TENM3: variants seen among roughly 807,000 people sequenced by gnomAD.
TENM3 encodes the protein teneurin transmembrane protein 3.
Under a neutral mutation model 255.1 loss-of-function variants are expected in TENM3, and 63 were observed. The ratio of observed to expected loss-of-function variants is 0.25; its 90% CI spans 0.20 to 0.30. The LOEUF (loss-of-function observed/expected upper bound fraction) is 0.30. Among genes scored for constraint, TENM3 ranks in the 10% least tolerant of loss-of-function variants. The pLI, the probability that TENM3 is intolerant of heterozygous loss-of-function variation, is 1.00. For missense variants in TENM3, 2,929 were observed against 3,461.1 expected (o/e 0.85, Z 3.86); for synonymous variants, 1,306 against 1,322.3 (o/e 0.99, Z 0.27).
rs542563473 is a variant in TENM3, at chr4:182,798,777, T to A, written c.7345-819T>A. Among the ~76,000 whole-genome samples, 23 of 152,302 alleles carry A rather than the reference T, an allele frequency of 1.5e-4. 1 individual carries two copies. In the South Asian group the frequency reaches 4.6e-3, roughly 30 times the overall value. ...AAAGAAGTGCACCATAAGGACAGCA[T>A]AGGAAATCGTGGGCAAAGACACTGA... On this transcript the variant is annotated intron_variant, in intron 27 of 27. Transcript: ENST00000511685.
the TENM3 span, among the ~76,000 whole-genome samples, chr4:181,758,416 AGAGGGGATGC>A: frequency 5.3e-5 from 8 of 152,320 alleles, no homozygotes; most frequent in East Asian, 1.5e-3. Flanking sequence ...GATAATGTGA[AGAGGGGATGC>A]AGATCAGAGC....
At chr4:181,934,734 T>C in the TENM3 span, among the ~76,000 whole-genome samples, 1 of 152,302 alleles carries the variant, frequency 6.6e-6, no homozygotes, top group East Asian at 1.9e-4. Flanking sequence ...GAATGTGGTG[T>C]CTAATGGCAT....
chr4:181,523,055 A>T, the TENM3 span: 1 of 587,262 alleles, frequency 1.7e-6, no homozygotes, highest in African/African-American at 1.8e-5. Context: ...ACGGACTCAG[A>T]TTACAAATGT....
chr4:182,308,436 C>G lies in TENM3; in HGVS notation c.-75-15510C>G, dbSNP rs895823809. 2.0e-5 allele frequency among the ~76,000 whole-genome samples: 3 copies of G among 152,200 alleles called. No homozygotes were observed. In the South Asian group the frequency reaches 6.2e-4, roughly 32 times the overall value. On this transcript the variant is annotated intron_variant, in intron 1 of 27. Coordinates refer to ENST00000511685, the MANE Select transcript of TENM3 (RefSeq NM_001080477.4). ...GGCTCAAGTGATCCTTCCACCCCAG[C>G]CTTCTGAGTAGCTAGGCCTACAGGT...
chr4:182,478,476 G>A (rs1042095229), intron 3 of TENM3, among the ~76,000 whole-genome samples: 1 of 151,358 alleles, frequency 6.6e-6, no homozygotes, highest in Non-Finnish European at 1.5e-5. Context: ...TTAATCTCCT[G>A]TAAAGAAGTG....
intron 4 of TENM3, among the ~76,000 whole-genome samples, chr4:182,603,782 T>C (rs866988066): frequency 6.3e-5 from 8 of 127,434 alleles, no homozygotes; most frequent in East Asian, 6.5e-4. Context: ...TATATATATA[T>C]ATACACACAC....
the TENM3 span, among the ~76,000 whole-genome samples, chr4:181,549,447 A>T: frequency 0.094 from 14,319 of 152,214 alleles, 945 homozygotes; most frequent in East Asian, 0.21. Context: ...GGGGCTTACC[A>T]GTATGGACCA....
intron 1 of TENM3, among the ~76,000 whole-genome samples, chr4:182,302,769 G>T (rs1761922541): frequency 6.6e-6 from 1 of 152,162 alleles, no homozygotes; most frequent in African/African-American, 2.4e-5. Context: ...TTCCTTTAGA[G>T]TGCTGGTTTT....
chr4:181,624,115 A>G, the TENM3 span, among the ~76,000 whole-genome samples: 1 of 152,190 alleles, frequency 6.6e-6, no homozygotes, highest in Non-Finnish European at 1.5e-5. Context: ...CGTCTACTAT[A>G]TGAACATCTG....
At position 182,301,778 on chromosome 4, in the gene TENM3, A is replaced by G. The variant is rs547208408; in HGVS notation, c.-75-22168A>G. Among the ~76,000 whole-genome samples, 108 of 152,264 alleles carry G rather than the reference A, an allele frequency of 7.1e-4. 2 individuals are homozygous for G. The highest frequency in any genetic ancestry group is 2.5e-3 in the African/African-American group (103 of 41,562). On this transcript the variant is annotated intron_variant, in intron 1 of 27. Coordinates refer to ENST00000511685, the MANE Select transcript of TENM3 (RefSeq NM_001080477.4). ...TGAGCATATTCAGTCATAAAAGGCA[A>G]TTTGCCTTTTCAGTGATAACCTGGC...
At chr4:181,964,065 C>A in the TENM3 span, among the ~76,000 whole-genome samples, 1 of 143,984 alleles carries the variant, frequency 6.9e-6, no homozygotes, top group Admixed American at 6.8e-5. Context: ...AATGACCTTC[C>A]GATTTTTTTT....
the TENM3 span, among the ~76,000 whole-genome samples, chr4:181,498,294 G>GA: frequency 7.9e-5 from 12 of 151,756 alleles, no homozygotes; most frequent in Admixed American, 1.3e-4. Flanking sequence ...TCAAGTGTGT[G>GA]AAAAAAAAGC....
chr4:181,472,165 G>T, the TENM3 span, among the ~76,000 whole-genome samples: 1 of 152,122 alleles, frequency 6.6e-6, no homozygotes, highest in Non-Finnish European at 1.5e-5. Flanking sequence ...ATAGCCACCT[G>T]CCCAGACCTG....
intron 3 of TENM3, among the ~76,000 whole-genome samples, chr4:182,357,352 T>C (rs1765624297): frequency 6.6e-6 from 1 of 152,022 alleles, no homozygotes; most frequent in Non-Finnish European, 1.5e-5. Context: ...AAAGTGTTCC[T>C]ATTTCTCCAC....
intron 3 of TENM3, among the ~76,000 whole-genome samples, chr4:182,560,899 A>G (rs969578592): frequency 5.9e-5 from 9 of 152,226 alleles, no homozygotes; most frequent in South Asian, 2.1e-4. Context: ...GATAGTCTCT[A>G]TTTGGTGTAA....
At chr4:181,925,953 T>C in the TENM3 span, among the ~76,000 whole-genome samples, 1 of 152,226 alleles carries the variant, frequency 6.6e-6, no homozygotes, top group Non-Finnish European at 1.5e-5. Context: ...AAAATCACTA[T>C]TTTGAATTTT....
At chr4:182,253,693 TAA>T (rs1040269576) in intron 1 of TENM3, among the ~76,000 whole-genome samples, 5 of 152,200 alleles carry the variant, frequency 3.3e-5, no homozygotes, top group African/African-American at 4.8e-5. Context: ...CTCTGAAAAA[TAA>T]AGATATATTA....
chr4:181,590,345 A>G, the TENM3 span, among the ~76,000 whole-genome samples: 1 of 151,922 alleles, frequency 6.6e-6, no homozygotes, highest in Non-Finnish European at 1.5e-5. Flanking sequence ...TTCTCCCCAT[A>G]CTCTAAGGCT....
chr4:182,761,908 A>C (rs1339006837), intron 22 of TENM3, among the ~76,000 whole-genome samples: 2 of 152,194 alleles, frequency 1.3e-5, no homozygotes, highest in African/African-American at 4.8e-5. Context: ...GACATCAATA[A>C]AAAAATGCAT....
Sources: allele counts gnomAD v4.1 joint callset (sites outside exome capture counted in the v4.1 genomes callset), GRCh38; gene constraint gnomAD v4.1.1; transcripts MANE v1.5; gene names NCBI Gene and HGNC (gene_info 2026-07-23, HGNC 2026-07-21).